Variants in CIMIP5 observed in about 807,000 individuals in gnomAD.
CIMIP5 encodes ciliary microtubule inner protein 5.
At chr2:11,142,196 G>T in the CIMIP5 span, among the ~76,000 whole-genome samples, 1 of 148,534 alleles carries the variant, frequency 6.7e-6, no homozygotes, top group Non-Finnish European at 1.5e-5. Context: ...AACCTGGGAG[G>T]CAGAGGTTGC....
the CIMIP5 span, among the ~76,000 whole-genome samples, chr2:11,142,090 A>C: frequency 1.3e-5 from 2 of 151,912 alleles, no homozygotes; most frequent in African/African-American, 4.8e-5. Flanking sequence ...ACATGGAGAA[A>C]CCCCATCTCT....
chr2:11,144,214 G>A, the CIMIP5 span: 1 of 936,790 alleles, frequency 1.1e-6, no homozygotes, highest in Non-Finnish European at 1.5e-6. Context: ...GGCAGCTTGG[G>A]TCTGCACTGT....
At chr2:11,152,494 T>A in the CIMIP5 span, among the ~76,000 whole-genome samples, 13 of 152,160 alleles carry the variant, frequency 8.5e-5, no homozygotes, top group African/African-American at 3.1e-4. Context: ...GTTATAATTT[T>A]TGCAAAGGTG....
chr2:11,151,321 C>T, the CIMIP5 span, among the ~76,000 whole-genome samples: 37,004 of 152,164 alleles, frequency 0.24, 4,861 homozygotes, highest in East Asian at 0.48. Flanking sequence ...TGCTTGAGAC[C>T]TGTCTCAGAT....
chr2:11,142,943 A>T, the CIMIP5 span, among the ~76,000 whole-genome samples: 3 of 152,072 alleles, frequency 2.0e-5, no homozygotes, highest in African/African-American at 7.2e-5. Context: ...GCTGGTCTGA[A>T]TCTTTCCGCC....
At chr2:11,148,204 G>C in the CIMIP5 span, among the ~76,000 whole-genome samples, 1 of 150,662 alleles carries the variant, frequency 6.6e-6, no homozygotes, top group Non-Finnish European at 1.5e-5. Context: ...CACAACCTCC[G>C]CCTACCAGGT....
chr2:11,147,884 C>A, the CIMIP5 span, among the ~76,000 whole-genome samples: 3 of 152,262 alleles, frequency 2.0e-5, no homozygotes, highest in Non-Finnish European at 2.9e-5. Flanking sequence ...CAGTGAAGTC[C>A]CAAGGCCAGC....
At chr2:11,133,551 C>T in the CIMIP5 span, 1 of 1,605,948 alleles carries the variant, frequency 6.2e-7, no homozygotes, top group South Asian at 1.1e-5. Flanking sequence ...CCAGCTGTGG[C>T]GGGAGCTCCT....
chr2:11,149,744 TA>T, the CIMIP5 span, among the ~76,000 whole-genome samples: 2 of 151,478 alleles, frequency 1.3e-5, no homozygotes, highest in East Asian at 1.9e-4. Flanking sequence ...AAAATAAAAA[TA>T]AAAAAAGTCA....
At chr2:11,133,653 T>G in the CIMIP5 span, 1 of 1,539,134 alleles carries the variant, frequency 6.5e-7, no homozygotes, top group East Asian at 2.3e-5. Flanking sequence ...TTGGGGAAGG[T>G]TTTGGAGAAA....
chr2:11,152,323 G>C, the CIMIP5 span, among the ~76,000 whole-genome samples: 1 of 152,134 alleles, frequency 6.6e-6, no homozygotes, highest in Admixed American at 6.5e-5. Context: ...TGGTCTTTTC[G>C]GGAAAGGATT....
At chr2:11,143,802 T>C in the CIMIP5 span, 1 of 879,160 alleles carries the variant, frequency 1.1e-6, no homozygotes, top group East Asian at 3.1e-5. Context: ...CAAACCAGGA[T>C]TGAATCACCT....
chr2:11,133,626 C>G, the CIMIP5 span: 8 of 1,551,934 alleles, frequency 5.2e-6, no homozygotes, highest in Non-Finnish European at 5.2e-6. Context: ...ACCCTGACTC[C>G]GCAGCCTGAC....
At chr2:11,139,695 C>T in the CIMIP5 span, among the ~76,000 whole-genome samples, 3 of 152,278 alleles carry the variant, frequency 2.0e-5, no homozygotes, top group East Asian at 3.9e-4. Context: ...TCATATTTGT[C>T]GTTCTAGGAA....
the CIMIP5 span, among the ~76,000 whole-genome samples, chr2:11,147,825 C>A: frequency 1.3e-5 from 2 of 152,168 alleles, no homozygotes; most frequent in Non-Finnish European, 2.9e-5. Flanking sequence ...TCTAACCTTC[C>A]CCATCTCACC....
the CIMIP5 span, chr2:11,133,527 GGCGTGCA>G: frequency 7.5e-6 from 12 of 1,608,396 alleles, no homozygotes; most frequent in Non-Finnish European, 1.0e-5. Context: ...TGCCTGCGAT[GGCGTGCA>G]GCAGGACCAG....
chr2:11,142,507 C>A, the CIMIP5 span, among the ~76,000 whole-genome samples: 1 of 152,130 alleles, frequency 6.6e-6, no homozygotes, highest in East Asian at 1.9e-4. Context: ...AAGAGTCTCT[C>A]CCTGCTAAGG....
the CIMIP5 span, among the ~76,000 whole-genome samples, chr2:11,143,478 G>A: frequency 6.6e-6 from 1 of 151,556 alleles, no homozygotes; most frequent in African/African-American, 2.4e-5. Context: ...GGGCACATGG[G>A]CATCTTCACT....
the CIMIP5 span, among the ~76,000 whole-genome samples, chr2:11,137,402 G>A: frequency 6.6e-6 from 1 of 152,034 alleles, no homozygotes; most frequent in Non-Finnish European, 1.5e-5. Context: ...AAAAGAACTT[G>A]TAGAAATAAA....
Sources: allele counts gnomAD v4.1 joint callset (sites outside exome capture counted in the v4.1 genomes callset), GRCh38; gene constraint gnomAD v4.1.1; transcripts MANE v1.5; gene names NCBI Gene and HGNC (gene_info 2026-07-23, HGNC 2026-07-21).